CNBD1: variants seen among roughly 807,000 people sequenced by gnomAD.
CNBD1 encodes the protein cyclic nucleotide-binding domain-containing protein 1.
CNBD1 carries 71 observed loss-of-function variants against 54.4 expected under a neutral mutation model. That is an observed-to-expected ratio of 1.30 (90% CI 1.08 to 1.59). The LOEUF is 1.59. Ranked by LOEUF, CNBD1 falls within the 40% of genes most tolerant of loss-of-function variation. The probability of loss-of-function intolerance (pLI) is 0.00; values close to 1 mark genes in which losing one functional copy is unlikely to be tolerated. For synonymous variants in CNBD1, 182 were observed against 170.7 expected, an observed-to-expected ratio of 1.07 and a Z score of -0.51; for missense variants, 659 against 518.0, an observed-to-expected ratio of 1.27 and a Z score of -2.64.
intron 4 of CNBD1, among the ~76,000 whole-genome samples, chr8:86,995,519 G>T (rs1321444157): frequency 1.3e-5 from 2 of 152,158 alleles, no homozygotes; most frequent in Admixed American, 1.3e-4. Flanking sequence ...AAAAATCACA[G>T]AGTTGGAAAT....
intron 6 of CNBD1, among the ~76,000 whole-genome samples, chr8:87,256,003 ATATATATATATATTTTTTTTTTTTTT>A (rs1398674036): frequency 1.7e-4 from 3 of 17,930 alleles, no homozygotes; most frequent in African/African-American, 8.1e-4. Context: ...ATATATATAT[ATATATATATATATTTTTTTTTTTTTT>A]TTTTTTTTTT....
chr8:87,321,122 T>A (rs1002554931), intron 8 of CNBD1, among the ~76,000 whole-genome samples: 3 of 151,930 alleles, frequency 2.0e-5, no homozygotes, highest in African/African-American at 7.3e-5. Flanking sequence ...CACCTGGCCA[T>A]TGTGAATAAT....
At chr8:87,167,272 G>T (rs1438469407) in intron 4 of CNBD1, among the ~76,000 whole-genome samples, 6 of 151,720 alleles carry the variant, frequency 4.0e-5, no homozygotes, top group African/African-American at 1.5e-4. Context: ...ATCAAATCAG[G>T]GTACTTAGTA....
intron 2 of CNBD1, among the ~76,000 whole-genome samples, chr8:87,424,027 T>G (rs1351754494): frequency 2.6e-5 from 4 of 152,342 alleles, no homozygotes; most frequent in East Asian, 3.9e-4. Flanking sequence ...GTCAAGGAAT[T>G]TATCCATTTC....
rs530838924 is a variant in CNBD1 at position 87,335,313 on chromosome 8, C to A, written c.1043-16372C>A. On this transcript the variant is annotated intron_variant, in intron 8 of 10. Coordinates refer to ENST00000518476, the MANE Select transcript of CNBD1 (RefSeq NM_173538.3). ...AATATTGACAGTGGGGTGTTAAAGT[C>A]TCCTACTATTACTGTGTGGGAGACT... Among the ~76,000 whole-genome samples the A allele has an allele frequency of 2.6e-5, 4 of 152,226 alleles. No homozygotes were observed. The South Asian group carries it at 8.3e-4, about 32-fold the overall frequency.
At chr8:87,155,537 A>G (rs1319321585) in intron 4 of CNBD1, among the ~76,000 whole-genome samples, 2 of 152,186 alleles carry the variant, frequency 1.3e-5, no homozygotes, top group Non-Finnish European at 2.9e-5. Context: ...GAATGAACAG[A>G]ATTAGGAGAC....
chr8:86,941,245 G>A lies in CNBD1; in HGVS notation c.431+1491G>A, dbSNP rs187227161. 5.4e-3 allele frequency among the ~76,000 whole-genome samples: 815 copies of A among 152,282 alleles called. 6 individuals are homozygous for A. The highest frequency in any genetic ancestry group is 0.015 in the Admixed American group (233 of 15,304). On this transcript the variant is annotated intron_variant, in intron 4 of 10. Coordinates refer to ENST00000518476, the MANE Select transcript of CNBD1 (RefSeq NM_173538.3). Reference sequence around the variant, plus strand: ...GAAATCTTAACCACCTGTCATAGAAGAGTAAAATTAAACTTGTAAGCTGAA... The same window carrying A: ...GAAATCTTAACCACCTGTCATAGAAAAGTAAAATTAAACTTGTAAGCTGAA...
chr8:87,368,318 T>A (rs1253043354), intron 10 of CNBD1, among the ~76,000 whole-genome samples: 1 of 151,930 alleles, frequency 6.6e-6, no homozygotes, highest in Non-Finnish European at 1.5e-5. Context: ...AAGGGCAGAC[T>A]AGAGTGAAGA....
At chr8:86,901,283 A>C (rs936727823) in intron 2 of CNBD1, among the ~76,000 whole-genome samples, 3 of 152,118 alleles carry the variant, frequency 2.0e-5, no homozygotes, top group African/African-American at 7.2e-5. Context: ...TATTTCTTTT[A>C]ATTTTCATCA....
At chr8:87,300,516 C>T (rs992067383) in intron 8 of CNBD1, among the ~76,000 whole-genome samples, 4 of 152,074 alleles carry the variant, frequency 2.6e-5, no homozygotes, top group Admixed American at 6.6e-5. Context: ...TATACTGGTA[C>T]GTTAGGGCCA....
At chr8:87,100,248 T>G (rs1811401420) in intron 4 of CNBD1, among the ~76,000 whole-genome samples, 1 of 152,158 alleles carries the variant, frequency 6.6e-6, no homozygotes. Flanking sequence ...CTTGTTGTCA[T>G]GCTAGCTAAT....
At chr8:87,208,348 G>A (rs1276409578) in intron 5 of CNBD1, among the ~76,000 whole-genome samples, 4 of 151,968 alleles carry the variant, frequency 2.6e-5, no homozygotes, top group Admixed American at 6.6e-5. Flanking sequence ...CACATTATGT[G>A]TGTCTAAGTT....
chr8:87,015,418 C>T (rs1809334556), intron 4 of CNBD1, among the ~76,000 whole-genome samples: 1 of 152,086 alleles, frequency 6.6e-6, no homozygotes, highest in African/African-American at 2.4e-5. Context: ...GTCTCCTGAC[C>T]TTGTGATCTG....
chr8:87,263,317 C>CT (rs985988312), intron 6 of CNBD1, among the ~76,000 whole-genome samples: 5 of 151,938 alleles, frequency 3.3e-5, no homozygotes, highest in Non-Finnish European at 7.4e-5. Flanking sequence ...TATTTTTAAG[C>CT]TTTTTTTCAG....
intron 4 of CNBD1, among the ~76,000 whole-genome samples, chr8:87,053,865 C>T (rs781311566): frequency 7.2e-5 from 11 of 152,240 alleles, no homozygotes; most frequent in Non-Finnish European, 1.3e-4. Context: ...CTAAAGTACT[C>T]ATTCCTAAAC....
intron 8 of CNBD1, among the ~76,000 whole-genome samples, chr8:87,341,141 G>T (rs1810055632): frequency 6.6e-6 from 1 of 152,044 alleles, no homozygotes; most frequent in Admixed American, 6.6e-5. Flanking sequence ...TCTAATTCAA[G>T]ATATTTTCTA....
intron 4 of CNBD1, among the ~76,000 whole-genome samples, chr8:86,967,495 C>T (rs1160999188): frequency 6.6e-6 from 1 of 152,254 alleles, no homozygotes; most frequent in Non-Finnish European, 1.5e-5. Flanking sequence ...GCAGCACCAA[C>T]TGAGCCTCCC....
intron 4 of CNBD1, among the ~76,000 whole-genome samples, chr8:86,985,824 T>C (rs1808593537): frequency 6.6e-6 from 1 of 152,218 alleles, no homozygotes; most frequent in Non-Finnish European, 1.5e-5. Context: ...CAACAATGGT[T>C]AAGCCTTCCC....
At chr8:86,951,855 A>C (rs183304610) in intron 4 of CNBD1, among the ~76,000 whole-genome samples, 1 of 152,174 alleles carries the variant, frequency 6.6e-6, no homozygotes, top group Non-Finnish European at 1.5e-5. Context: ...GGAAAAATCA[A>C]GCTGGGAAGT....
Sources: gnomAD v4.1 joint callset for allele counts (sites outside exome capture counted in the v4.1 genomes callset) on GRCh38, gnomAD v4.1.1 for gene constraint, MANE v1.5 for transcripts, NCBI Gene and HGNC (gene_info 2026-07-23, HGNC 2026-07-21) for gene names.